The following PCDHGA9 variants were observed in gnomAD, a reference collection of about 807,000 sequenced individuals.
The protein encoded by PCDHGA9 is protocadherin gamma subfamily A, 9, also known as protocadherin gamma-A9.
A neutral mutation model predicts 62.5 loss-of-function variants in PCDHGA9; 37 were observed. The ratio of observed to expected loss-of-function variants is 0.59; its 90% CI spans 0.46 to 0.78. The LOEUF (loss-of-function observed/expected upper bound fraction) is 0.78, where lower values mean the gene tolerates loss of function less well. Ranked by LOEUF, PCDHGA9 falls within the 30% of genes least tolerant of loss-of-function variation. The pLI is 0.00. For synonymous variants in PCDHGA9, 459 were observed against 484.6 expected (o/e 0.95, Z 0.69); for missense variants, 1,138 against 1,166.2 (o/e 0.98, Z 0.35).
chr5:141,463,388 C>T (rs1470533734), intron 1 of PCDHGA9, among the ~76,000 whole-genome samples: 1 of 150,092 alleles, frequency 6.7e-6, no homozygotes, highest in Non-Finnish European at 1.5e-5. Flanking sequence ...AAAGTTGTCT[C>T]CAGGCAAAAA....
In PCDHGA9 at chr5:141,489,129, T is replaced by G; in HGVS notation, c.2425-5678T>G. On this transcript the variant is annotated intron_variant, in intron 1 of 3. Coordinates refer to ENST00000573521, the MANE Select transcript of PCDHGA9 (RefSeq NM_018921.3). This position sits in a 1 kb window ranked among gnomAD's most constrained non-coding sequence, Gnocchi z 4.5. ...AAGCAGGCAAACCTCCGAGCAGTTT[T>G]TAAGAGGCTGGAAGGAGACATAAGA... 1 of 761,976 alleles carries G rather than the reference T, an allele frequency of 1.3e-6. No homozygotes were observed. The highest frequency in any genetic ancestry group is 2.0e-6 in the Non-Finnish European group (1 of 490,014). The allele number at this position is 761,976 out of a possible 1,614,324, so 47.2% of individuals were successfully genotyped here.
chr5:141,504,755 T>A (rs953075905), intron 2 of PCDHGA9, among the ~76,000 whole-genome samples: 13 of 151,824 alleles, frequency 8.6e-5, no homozygotes, highest in Non-Finnish European at 1.5e-5. Flanking sequence ...ATTTTAGAAA[T>A]TTCTTCTCCC....
At chr5:141,423,750 T>TGGGG (rs144521096) in intron 1 of PCDHGA9, 28 of 288,222 alleles carry the variant, frequency 9.7e-5, no homozygotes, top group Non-Finnish European at 1.2e-4. Flanking sequence ...GAAAACTGTT[T>TGGGG]GGGGGGGGGG....
intron 1 of PCDHGA9, chr5:141,440,723 T>C (rs2098196558): frequency 6.6e-6 from 1 of 152,178 alleles, no homozygotes; most frequent in Non-Finnish European, 1.5e-5. Flanking sequence ...GTTGATCCTG[T>C]GTTAGAGAAG....
chr5:141,447,427 C>T (rs752438597), intron 1 of PCDHGA9, among the ~76,000 whole-genome samples: 2 of 152,174 alleles, frequency 1.3e-5, no homozygotes, highest in Non-Finnish European at 2.9e-5. Context: ...CGTGAGCCAC[C>T]GCACCCGGAG....
chr5:141,482,530 C>CA (rs3074545), intron 1 of PCDHGA9, among the ~76,000 whole-genome samples: 3,839 of 76,186 alleles, frequency 0.05, 137 homozygotes, highest in East Asian at 0.1. Context: ...GACAGACATG[C>CA]AAAAAAAAAA....
rs568542355 is a variant in PCDHGA9, at chr5:141,431,678, T to C, written c.2424+26302T>C. 4 of 1,614,084 alleles carry C rather than the reference T, an allele frequency of 2.5e-6. No individual in the cohort carries two copies. Among genetic ancestry groups the C allele is most frequent in the African/African-American group, 2.7e-5 (2 of 75,012 alleles). ...AGGGACAATATCAACAATAGGGGAG[T>C]TGGACCACGAGGAGTCAGGATTCTA... On this transcript the variant is annotated intron_variant, in intron 1 of 3. Transcript: ENST00000573521. The surrounding 1 kb of genome is among the most constrained non-coding windows in gnomAD (Gnocchi z 4.8).
In PCDHGA9 at chr5:141,404,745, C is replaced by T; in HGVS notation, c.1793C>T (p.Ser598Leu). The T allele has an allele frequency of 6.2e-7, 1 of 1,613,966 alleles. No homozygotes were observed. The highest frequency in any genetic ancestry group is 8.5e-7 in the Non-Finnish European group (1 of 1,180,022). The change falls in exon 1 of 4, where the codon TCA becomes TTA. Residue 598 changes from serine (S) to leucine (L), a missense_variant. Coordinates refer to ENST00000573521, the MANE Select transcript of PCDHGA9 (RefSeq NM_018921.3). ...AAGGTGGTGGCAGTGGACAGAGACT[C>T]AGGCCAGAATGCTTGGCTCTCCTAC... is the stretch of plus-strand genomic sequence containing the variant. ...VTKVVAVDRD[S>L]GQNAWLSYRL...
intron 1 of PCDHGA9, among the ~76,000 whole-genome samples, chr5:141,474,970 A>C (rs1309289477): frequency 6.6e-6 from 1 of 152,212 alleles, no homozygotes; most frequent in Admixed American, 6.5e-5. Context: ...TAATCATTAT[A>C]ATTTTGTTTG....
In PCDHGA9 at chr5:141,497,558, TA is replaced by T. The variant is rs543126612; in HGVS notation, c.2483+2694del. 6.7e-3 allele frequency among the ~76,000 whole-genome samples: 979 copies of T among 145,038 alleles called. 16 individuals carry two copies. Among genetic ancestry groups the T allele is most frequent in the African/African-American group, 0.024 (931 of 38,872 alleles). On this transcript the variant is annotated intron_variant, in intron 2 of 3. Coordinates refer to ENST00000573521, the MANE Select transcript of PCDHGA9 (RefSeq NM_018921.3). The stretch of plus-strand genomic sequence containing the variant: ...AACAAACCTTTTTTTTTTTTTTTTT[TA>T]GACAGAGTCTTGCTCTGTTGCCCAA...
At position 141,487,075 on chromosome 5, in the gene PCDHGA9, C is replaced by T. The variant is rs755563146; in HGVS notation, c.2425-7732C>T. The T allele has an allele frequency of 1.9e-6, 3 of 1,614,116 alleles. No individual in the cohort carries two copies. The highest frequency in any genetic ancestry group is 2.5e-6 in the Non-Finnish European group (3 of 1,179,982). ...GGGAGGTGCGGACGGCTGTTCCTATCCCAGCTGACCTCCCACCACAGAAGC... is the reference window on the plus strand; with the variant it reads ...GGGAGGTGCGGACGGCTGTTCCTATTCCAGCTGACCTCCCACCACAGAAGC... On this transcript the variant is annotated intron_variant, in intron 1 of 3. Transcript: ENST00000573521. This position sits in a 1 kb window ranked among gnomAD's most constrained non-coding sequence, Gnocchi z 5.0.
chr5:141,465,049 T>G (rs546927594), intron 1 of PCDHGA9, among the ~76,000 whole-genome samples: 1 of 152,016 alleles, frequency 6.6e-6, no homozygotes, highest in Non-Finnish European at 1.5e-5. Flanking sequence ...ACCCTATATA[T>G]TTTTTTGAAT....
intron 1 of PCDHGA9, chr5:141,427,227 A>G (rs111948686): frequency 8.8e-6 from 4 of 456,798 alleles, no homozygotes; most frequent in African/African-American, 4.0e-5. Flanking sequence ...CAGTTATACC[A>G]TGAGAGTAGA....
In PCDHGA9 at chr5:141,476,040, G is replaced by A; in HGVS notation, c.2425-18767G>A. 2.0e-6 allele frequency: 3 copies of A among 1,488,704 alleles called. No individual in the cohort carries two copies. Among genetic ancestry groups the A allele is most frequent in the Admixed American group, 2.2e-5 (1 of 44,984 alleles). 92.2% of individuals were successfully genotyped at this position (1,488,704 alleles called of 1,614,324 possible). On this transcript the variant is annotated intron_variant, in intron 1 of 3. Coordinates refer to ENST00000573521, the MANE Select transcript of PCDHGA9 (RefSeq NM_018921.3). The surrounding 1 kb of genome is among the most constrained non-coding windows in gnomAD (Gnocchi z 7.6). The stretch of plus-strand genomic sequence containing the variant: ...CGGACTCGGCGCCCAGCGCCCAAGC[G>A]CTAACCCGCTGAAAGTTTCTCAGCG...
chr5:141,485,619 G>A lies in PCDHGA9; in HGVS notation c.2425-9188G>A. On this transcript the variant is annotated intron_variant, in intron 1 of 3. Coordinates refer to ENST00000573521, the MANE Select transcript of PCDHGA9 (RefSeq NM_018921.3). This position sits in a 1 kb window ranked among gnomAD's most constrained non-coding sequence, Gnocchi z 5.7. ...GAAATTGGGGAGGCAGCTCCTCCAG[G>A]ACAGCGTTTCCCGTTGGAAAAGGCT... 3 of 1,612,234 alleles carry A rather than the reference G, an allele frequency of 1.9e-6. No homozygotes were observed. The highest frequency in any genetic ancestry group is 2.5e-6 in the Non-Finnish European group (3 of 1,178,678).
At position 141,422,850 on chromosome 5, in the gene PCDHGA9, G is replaced by A. The variant is rs184432819; in HGVS notation, c.2424+17474G>A. On this transcript the variant is annotated intron_variant, in intron 1 of 3. Transcript: ENST00000573521. Reference sequence around the variant, plus strand: ...TGATAGCACGTGACAGCGGGGACCCGCCCCTCAGCAGCAACGTGTCGCTGA... The same window carrying A: ...TGATAGCACGTGACAGCGGGGACCCACCCCTCAGCAGCAACGTGTCGCTGA... 154 of 1,614,204 alleles carry A rather than the reference G, an allele frequency of 9.5e-5. 1 individual carries two copies. The African/African-American group carries it at 1.3e-3, about 14-fold the overall frequency.
chr5:141,483,764 A>G (rs1170910094), intron 1 of PCDHGA9, among the ~76,000 whole-genome samples: 1 of 152,104 alleles, frequency 6.6e-6, no homozygotes, highest in East Asian at 1.9e-4. Context: ...AGGCTTGGAA[A>G]AATATTGGGG....
chr5:141,418,669 C>G, intron 1 of PCDHGA9: 1 of 1,614,018 alleles, frequency 6.2e-7, no homozygotes, highest in Non-Finnish European at 8.5e-7. Flanking sequence ...CTGACCAGGA[C>G]GAGGGCATCA....
In PCDHGA9 at chr5:141,405,345, A is replaced by G. The variant is rs758657243; in HGVS notation, c.2393A>G (p.Lys798Arg). 3 of 1,613,944 alleles carry G rather than the reference A, an allele frequency of 1.9e-6. No homozygotes were observed. In the South Asian group the frequency reaches 3.3e-5, roughly 18 times the overall value. The change falls in exon 1 of 4, where the codon AAG becomes AGG. Residue 798 changes from lysine (K) to arginine (R), a missense_variant. Lys to Arg is a conservative substitution (Grantham distance 26). Coordinates refer to ENST00000573521, the MANE Select transcript of PCDHGA9 (RefSeq NM_018921.3). ...CCTTTGTGCGTCTCTGTTGATTCCA[A>G]GTTTCCTATAGAAGACACCCCTTTG... ...NEPLCVSVDSKFPIEDTPLVP... is the reference protein window; with the variant it reads ...NEPLCVSVDSRFPIEDTPLVP...
Sources: gnomAD v4.1 joint callset for allele counts (sites outside exome capture counted in the v4.1 genomes callset) on GRCh38, gnomAD v4.1.1 for gene constraint, Gnocchi (gnomAD v3.1) non-coding constraint, MANE v1.5 for transcripts, NCBI Gene and HGNC (gene_info 2026-07-23, HGNC 2026-07-21) for gene names.